POLN: variants seen among roughly 807,000 people sequenced by gnomAD.
POLN encodes DNA polymerase N.
Under a neutral mutation model 113.5 loss-of-function variants are expected in POLN, and 108 were observed. The ratio of observed to expected loss-of-function variants is 0.95; its 90% CI spans 0.81 to 1.12. The LOEUF is 1.12. POLN is among the 50% of genes most tolerant of loss of function. The probability of loss-of-function intolerance (pLI) is 0.00; values close to 1 mark genes in which losing one functional copy is unlikely to be tolerated. For missense variants in POLN, 1,097 were observed against 1,077.1 expected (o/e 1.02, Z -0.26); for synonymous variants, 386 against 391.5 (o/e 0.99, Z 0.17).
intron 16 of POLN, among the ~76,000 whole-genome samples, chr4:2,145,255 G>A (rs1264665794): frequency 2.0e-5 from 3 of 151,932 alleles, no homozygotes; most frequent in Admixed American, 6.6e-5. Flanking sequence ...AGTAAGATAG[G>A]GTTCCTTAAA....
At chr4:2,079,072 G>A in intron 23 of POLN, 1 of 269,932 alleles carries the variant, frequency 3.7e-6, no homozygotes, top group East Asian at 1.8e-4. Flanking sequence ...TGGGACTACA[G>A]GTGTGCACCA....
At chr4:2,128,648 C>A (rs1046615964) in intron 18 of POLN, among the ~76,000 whole-genome samples, 1 of 142,506 alleles carries the variant, frequency 7.0e-6, no homozygotes, top group African/African-American at 2.6e-5. Context: ...AAGGCCGCAG[C>A]GAGCAGGGCA....
chr4:2,082,584 T>A (rs1478872148), intron 21 of POLN: 5 of 152,282 alleles, frequency 3.3e-5, no homozygotes, highest in African/African-American at 1.2e-4. Flanking sequence ...TTTAACTAGG[T>A]GTGGGTGGGA....
chr4:2,095,991 A>G, intron 19 of POLN, 58 bp from the exon 20 acceptor site: 1 of 1,431,792 alleles, frequency 7.0e-7, no homozygotes, highest in Non-Finnish European at 9.9e-7. Flanking sequence ...AGTGCAGGGC[A>G]GACAGTCCAA....
intron 19 of POLN, among the ~76,000 whole-genome samples, chr4:2,125,477 G>T (rs1304336623): frequency 6.6e-6 from 1 of 152,232 alleles, no homozygotes; most frequent in Non-Finnish European, 1.5e-5. Context: ...AGCAACAAGA[G>T]AAGACAGGAA....
At chr4:2,085,824 A>T in intron 20 of POLN, 80 bp from the exon 21 acceptor site, 1 of 1,576,644 alleles carries the variant, frequency 6.3e-7, no homozygotes, top group Non-Finnish European at 8.6e-7. Flanking sequence ...AGTCAGGTCC[A>T]GCTGGCAGCA....
intron 2 of POLN, chr4:2,240,633 T>C: frequency 1.2e-6 from 2 of 1,613,736 alleles, no homozygotes; most frequent in Non-Finnish European, 8.5e-7. Flanking sequence ...AGTTTGAACC[T>C]CATCCTCTAA....
At chr4:2,114,336 C>T (rs1731268687) in intron 19 of POLN, among the ~76,000 whole-genome samples, 1 of 152,148 alleles carries the variant, frequency 6.6e-6, no homozygotes, top group Admixed American at 6.5e-5. Flanking sequence ...TTCTGGTGCT[C>T]TTTCTTCCTG....
chr4:2,105,188 T>C (rs907961718), intron 19 of POLN, among the ~76,000 whole-genome samples: 2 of 152,152 alleles, frequency 1.3e-5, no homozygotes, highest in Non-Finnish European at 2.9e-5. Flanking sequence ...TGGCCCCCAA[T>C]TGCCCCACTG....
intron 1 of POLN, 37 bp downstream of exon 1, chr4:2,242,014 C>T: frequency 2.0e-6 from 2 of 985,632 alleles, no homozygotes; most frequent in South Asian, 4.7e-5. Context: ...TCCAGCCCCA[C>T]ACCCCTGCGC....
intron 16 of POLN, among the ~76,000 whole-genome samples, chr4:2,151,786 AG>A (rs756490432): frequency 6.6e-6 from 1 of 152,244 alleles, no homozygotes; most frequent in Non-Finnish European, 1.5e-5. Context: ...AGTGGCAAAC[AG>A]CAAGTCAGTG....
At chr4:2,198,358 G>A (rs1560090714) in intron 6 of POLN, among the ~76,000 whole-genome samples, 166 bp downstream of exon 6, 1 of 152,086 alleles carries the variant, frequency 6.6e-6, no homozygotes, top group Non-Finnish European at 1.5e-5. Context: ...GGAGAGAGAG[G>A]GCCAGTATTT....
At chr4:2,100,446 C>T (rs1362928859) in intron 19 of POLN, among the ~76,000 whole-genome samples, 1 of 152,072 alleles carries the variant, frequency 6.6e-6, no homozygotes, top group Non-Finnish European at 1.5e-5. Context: ...AAGAAATGCA[C>T]CAGACTTTCA....
intron 9 of POLN, among the ~76,000 whole-genome samples, chr4:2,175,059 A>G (rs1188644252): frequency 6.6e-6 from 1 of 152,088 alleles, no homozygotes; most frequent in Non-Finnish European, 1.5e-5. Flanking sequence ...CCTGACCTCA[A>G]GTGATCTGCC....
chr4:2,079,845 A>C (rs1227409787), intron 23 of POLN: 18 of 983,582 alleles, frequency 1.8e-5, no homozygotes, highest in Non-Finnish European at 2.1e-5. Flanking sequence ...TCGGCCTCCC[A>C]AAGTGCTGGG....
At position 2,081,681 on chromosome 4, in the gene POLN, G is replaced by A. The variant is rs759846586; in HGVS notation, c.2260C>T (p.Gln754Ter). ...TGTCGCTCTGCTTGTGCCCGGAGTT[G>A]CTGGTCATGAGCGTGAATCCTTGGC... The part of the protein sequence containing the change: ...PLPRIHAHDQ[Q>*]LRAQAERQAV... The change falls in exon 22 of 26, where the codon CAA becomes TAA. Residue 754 changes from glutamine to a stop codon, truncating the protein, a stop_gained. Coordinates refer to ENST00000511885, the MANE Select transcript of POLN (RefSeq NM_181808.4). LOFTEE classifies it high-confidence loss of function. 1 of 1,614,178 alleles carries A rather than the reference G, an allele frequency of 6.2e-7. No individual in the cohort carries two copies. The highest frequency in any genetic ancestry group is 8.5e-7 in the Non-Finnish European group (1 of 1,180,026).
intron 6 of POLN, among the ~76,000 whole-genome samples, chr4:2,196,661 G>T (rs1283143911): frequency 6.6e-6 from 1 of 151,580 alleles, no homozygotes; most frequent in Admixed American, 6.6e-5. Flanking sequence ...AAAGCCCATG[G>T]TTTTTAGAGT....
chr4:2,130,608 C>A (rs1252857669), intron 17 of POLN, among the ~76,000 whole-genome samples: 1 of 152,080 alleles, frequency 6.6e-6, no homozygotes, highest in Non-Finnish European at 1.5e-5. Flanking sequence ...TAAACATTTC[C>A]AGTAATGTTC....
intron 5 of POLN, among the ~76,000 whole-genome samples, chr4:2,201,401 T>C (rs1012385413): frequency 6.5e-5 from 9 of 139,270 alleles, no homozygotes; most frequent in South Asian, 2.3e-4. Context: ...AAATGCAAAA[T>C]GCTCTAGAAA....
Sources: allele counts gnomAD v4.1 joint callset (sites outside exome capture counted in the v4.1 genomes callset), GRCh38; gene constraint gnomAD v4.1.1; transcripts MANE v1.5; gene names NCBI Gene and HGNC (gene_info 2026-07-23, HGNC 2026-07-21).